The following ZNF500 variants were observed in gnomAD, a reference collection of about 807,000 sequenced individuals.
ZNF500 encodes zinc finger protein with KRAB and SCAN domains 18.
Under a neutral mutation model 30.1 loss-of-function variants are expected in ZNF500, and 31 were observed. The ratio of observed to expected loss-of-function variants is 1.03; its 90% CI spans 0.77 to 1.39. ZNF500 has a LOEUF of 1.39. ZNF500 is among the 40% of genes most tolerant of loss of function. ZNF500 has a pLI of 0.00. For synonymous variants in ZNF500, 392 were observed against 282.0 expected (o/e 1.39, Z -3.91); for missense variants, 817 against 657.8 (o/e 1.24, Z -2.65).
chr16:4,759,675 T>C (rs1860315979), intron 5 of ZNF500, among the ~76,000 whole-genome samples: 1 of 152,184 alleles, frequency 6.6e-6, no homozygotes, highest in Admixed American at 6.6e-5. Context: ...TGTGTGTGTA[T>C]CTTCTGTTGG....
chr16:4,761,522 CACACATAT>C (rs779511701), intron 4 of ZNF500, among the ~76,000 whole-genome samples: 1 of 58,018 alleles, frequency 1.7e-5, no homozygotes, highest in Non-Finnish European at 3.7e-5. Context: ...CACACACACA[CACACATAT>C]AAAAATTATA....
chr16:4,759,678 T>C (rs1407369983), intron 5 of ZNF500, among the ~76,000 whole-genome samples: 1 of 152,168 alleles, frequency 6.6e-6, no homozygotes, highest in Non-Finnish European at 1.5e-5. Flanking sequence ...GTGTGTATCT[T>C]CTGTTGGTTC....
intron 5 of ZNF500, among the ~76,000 whole-genome samples, chr16:4,757,548 C>T (rs2141839415): frequency 6.6e-6 from 1 of 152,194 alleles, no homozygotes; most frequent in East Asian, 1.9e-4. Flanking sequence ...AATCCACCCG[C>T]CTTGACCTCT....
intron 2 of ZNF500, chr16:4,763,496 T>C (rs146647880): frequency 4.2e-6 from 4 of 948,658 alleles, no homozygotes; most frequent in African/African-American, 3.5e-5. Flanking sequence ...TTGAATGAAA[T>C]TGGGTCTTAG....
chr16:4,757,174 A>T (rs1483764737), intron 5 of ZNF500, among the ~76,000 whole-genome samples: 1 of 152,178 alleles, frequency 6.6e-6, no homozygotes, highest in Non-Finnish European at 1.5e-5. Flanking sequence ...TGTTATGTGA[A>T]TTTCTTTTTC....
chr16:4,763,052 G>C (rs764859812), intron 2 of ZNF500: 2 of 985,326 alleles, frequency 2.0e-6, no homozygotes, highest in Admixed American at 6.2e-5. Flanking sequence ...AGAGCCCTGA[G>C]TCAGCGCTGG....
chr16:4,752,593 T>C lies in ZNF500; in HGVS notation c.1226A>G (p.Tyr409Cys), dbSNP rs1324327078. ...HRRTHSGERP[Y>C]ACTQCGKRFN... is the part of the protein sequence containing the mutation. ...GCGCTTCCCGCACTGGGTGCAGGCA[T>C]AGGGCCGCTCCCCGCTGTGTGTCCT... is the stretch of plus-strand genomic sequence containing the variant. The change falls in exon 6 of 6, where the codon TAT (tyrosine) becomes TGT (cysteine). Residue 409 changes from tyrosine to cysteine, a missense_variant. Physicochemically the swap from Tyr to Cys is radical, Grantham distance 194. Transcript: ENST00000219478. 4.4e-6 allele frequency: 7 copies of C among 1,592,070 alleles called. No individual in the cohort carries two copies. The highest frequency in any genetic ancestry group is 3.4e-6 in the Non-Finnish European group (4 of 1,170,000).
At chr16:4,766,602 C>G (rs887623531) in intron 1 of ZNF500, among the ~76,000 whole-genome samples, 11 of 152,162 alleles carry the variant, frequency 7.2e-5, no homozygotes, top group African/African-American at 2.7e-4. Flanking sequence ...GCCTGGGCGA[C>G]AGAGAGAGAC....
chr16:4,763,011 T>G, intron 2 of ZNF500: 1 of 985,420 alleles, frequency 1.0e-6, no homozygotes, highest in Non-Finnish European at 1.2e-6. Flanking sequence ...TTGGTCCTCC[T>G]GATAGACCCT....
intron 4 of ZNF500, among the ~76,000 whole-genome samples, chr16:4,761,367 G>A (rs962656431): frequency 2.5e-4 from 38 of 151,600 alleles, no homozygotes; most frequent in Admixed American, 2.6e-4. Context: ...TTGAACCCGG[G>A]AGCCGGAGGT....
chr16:4,760,470 G>A (rs374265604), intron 5 of ZNF500, 22 bp downstream of exon 5: 3 of 1,611,092 alleles, frequency 1.9e-6, no homozygotes, highest in Non-Finnish European at 2.5e-6. Flanking sequence ...CCCCCTAGAG[G>A]ACACAATCAC....
intron 4 of ZNF500, among the ~76,000 whole-genome samples, chr16:4,761,036 C>T (rs541583750): frequency 1.3e-5 from 2 of 152,166 alleles, no homozygotes; most frequent in African/African-American, 4.8e-5. Context: ...CTTTCCAGAA[C>T]AGGCAAATTC....
intron 5 of ZNF500, chr16:4,756,444 A>G (rs1245232766): frequency 6.6e-6 from 1 of 151,926 alleles, no homozygotes; most frequent in African/African-American, 2.4e-5. Flanking sequence ...AGATCATGCC[A>G]CTGCAATCCA....
At chr16:4,763,433 A>G (rs1386000904) in intron 2 of ZNF500, among the ~76,000 whole-genome samples, 1 of 151,980 alleles carries the variant, frequency 6.6e-6, no homozygotes, top group East Asian at 1.9e-4. Context: ...AAAAAAAGAA[A>G]TTATCAACAG....
downstream of ZNF500, chr16:4,744,927 C>T (rs544091152): frequency 1.2e-6 from 2 of 1,613,890 alleles, no homozygotes; most frequent in East Asian, 4.5e-5. Flanking sequence ...CTCCTGTGCA[C>T]CACGCAGTCC....
At chr16:4,746,567 T>G, downstream of ZNF500, 1 of 1,563,772 alleles carries the variant, frequency 6.4e-7, no homozygotes, top group Non-Finnish European at 8.7e-7. Flanking sequence ...AGTTGCCTGT[T>G]GACCGCACAG....
In ZNF500 at chr16:4,752,042, A is replaced by G. The variant is rs2082084723; in HGVS notation, c.*334T>C. On this transcript the variant is annotated 3_prime_UTR_variant, in exon 6 of 6. Transcript: ENST00000219478. ...AGCCACTGGATGCTGGAGGCAGCTG[A>G]TGGACCCTCCCAGGCCCTTCAGGAG... 7.9e-7 allele frequency: 1 copy of G among 1,273,668 alleles called. No individual in the cohort carries two copies. The highest frequency in any genetic ancestry group is 3.8e-5 in the Admixed American group (1 of 26,128). The allele number at this position is 1,273,668 out of a possible 1,614,324, so 78.9% of individuals were successfully genotyped here.
At chr16:4,744,990 A>AAGAGGC, downstream of ZNF500, 2 of 1,613,550 alleles carry the variant, frequency 1.2e-6, no homozygotes, top group Non-Finnish European at 1.7e-6. Context: ...CAGGACACCA[A>AAGAGGC]AGAGGCAGAT....
At chr16:4,765,202 G>C (rs897404958) in intron 2 of ZNF500, among the ~76,000 whole-genome samples, 2 of 152,092 alleles carry the variant, frequency 1.3e-5, no homozygotes, top group African/African-American at 4.8e-5. Flanking sequence ...TCAATAGGCT[G>C]AGGTGGGAGG....
Sources: allele counts gnomAD v4.1 joint callset (sites outside exome capture counted in the v4.1 genomes callset), GRCh38; gene constraint gnomAD v4.1.1; transcripts MANE v1.5; gene names NCBI Gene and HGNC (gene_info 2026-07-23, HGNC 2026-07-21).